NOTCH3: variants seen among roughly 807,000 people sequenced by gnomAD.
The protein encoded by NOTCH3 is notch receptor 3, also known as neurogenic locus notch homolog protein 3.
NOTCH3 carries 86 observed loss-of-function variants against 213.3 expected under a neutral mutation model. The ratio of observed to expected loss-of-function variants is 0.40; its 90% CI spans 0.34 to 0.48. The LOEUF is 0.48. NOTCH3 is among the 20% of genes least tolerant of loss of function. NOTCH3 has a pLI of 0.57. For synonymous variants in NOTCH3, 1,354 were observed against 1,355.9 expected (o/e 1.00, Z 0.03); for missense variants, 2,783 against 3,272.6 (o/e 0.85, Z 3.65).
chr19:15,170,148 G>T lies in NOTCH3; in HGVS notation c.5137C>A (p.Leu1713Met). The change falls in exon 28 of 33, where the codon CTG (leucine) becomes ATG (methionine). Residue 1713 changes from leucine (L) to methionine (M), a missense_variant. Leu to Met is a conservative substitution (Grantham distance 15). This residue lies in a region of NOTCH3 where 636 missense variants were observed against 801.8 expected (regional missense o/e 0.79). Coordinates refer to ENST00000263388, the MANE Select transcript of NOTCH3 (RefSeq NM_000435.3). ...GMKNMAKGES[L>M]MGEVATDWMD... ...CAGTCTGTGGCCACCTCCCCCATCA[G>T]GCTCTCACCCTTGGCCATGTTCCTG... 1 of 1,605,552 alleles carries T rather than the reference G, an allele frequency of 6.2e-7. No individual in the cohort carries two copies. Among genetic ancestry groups the T allele is most frequent in the Non-Finnish European group, 8.5e-7 (1 of 1,175,880 alleles).
chr19:15,170,190 G>A lies in NOTCH3; in HGVS notation c.5115-20C>T. Reference sequence around the variant, plus strand: ...ATGTTCCTGGCGGACAATGGGAAGAGGGGATGTGAGGGGGACACTAGAGGT... The same window carrying A: ...ATGTTCCTGGCGGACAATGGGAAGAAGGGATGTGAGGGGGACACTAGAGGT... On this transcript the variant is annotated intron_variant, in intron 27 of 32. Transcript: ENST00000263388. 1 of 1,564,074 alleles carries A rather than the reference G, an allele frequency of 6.4e-7. No individual in the cohort carries two copies. Among genetic ancestry groups the A allele is most frequent in the Non-Finnish European group, 8.8e-7 (1 of 1,141,416 alleles).
rs756841357 is a variant in NOTCH3, at chr19:15,174,289, C to G, written c.4515G>C (p.Pro1505=). Residue 1505 remains proline (P), a synonymous_variant, in exon 25 of 33, where the codon CCG becomes CCC. Transcript: ENST00000263388. ...WDGLDCASEV[P]ALLARGVLVL... is the part of the protein sequence containing the mutation. ...CCAGCACGCCGCGGGCCAGCAGGGC[C>G]GGCACCTCGCTGGCACAATCCAGCC... 1.3e-6 allele frequency: 2 copies of G among 1,559,078 alleles called. No individual in the cohort carries two copies. Among genetic ancestry groups the G allele is most frequent in the East Asian group, 4.8e-5 (2 of 41,508 alleles).
intron 28 of NOTCH3, among the ~76,000 whole-genome samples, chr19:15,169,186 GTC>G (rs56916343): frequency 0.016 from 2,311 of 146,608 alleles, 43 homozygotes; most frequent in African/African-American, 0.05. Context: ...TGTCAAATCT[GTC>G]TCTCTCTCTC....
In NOTCH3 at chr19:15,189,446, G is replaced by T. The variant is rs958398466; in HGVS notation, c.1037-18C>A. The T allele has an allele frequency of 1.2e-6, 2 of 1,613,256 alleles. No homozygotes were observed. Among genetic ancestry groups the T allele is most frequent in the African/African-American group, 1.3e-5 (1 of 74,952 alleles). The stretch of plus-strand genomic sequence containing the variant: ...CAGGAGGCCTGGGAAGTGGTAAGCA[G>T]AAGTCATAGGCAGATCTTCCTGCTC... On this transcript the variant is annotated intron_variant, in intron 6 of 32. Transcript: ENST00000263388.
Position 15,197,734 on chromosome 19 carries a change from GCCCC to G in NOTCH3, c.119-160_119-157del, listed in dbSNP as rs5827279. On this transcript the variant is annotated intron_variant, in intron 1 of 32. Coordinates refer to ENST00000263388, the MANE Select transcript of NOTCH3 (RefSeq NM_000435.3). Reference sequence around the variant, plus strand: ...GAGTCCCCCCATCCACAGTTCCCACGCCCCCCCCCCCCCCGCCCCAGCCCCAGCT... The same window carrying G: ...GAGTCCCCCCATCCACAGTTCCCACGCCCCCCCCCCGCCCCAGCCCCAGCT... Among the ~76,000 whole-genome samples the G allele has an allele frequency of 4.6e-4, 19 of 41,026 alleles. 2 individuals carry two copies. The highest frequency in any genetic ancestry group is 1.1e-3 in the African/African-American group (16 of 15,164). 26.9% of individuals were successfully genotyped at this position (41,026 alleles called of 152,430 possible).
intron 17 of NOTCH3, 94 bp downstream of exon 17, chr19:15,181,482 A>T: frequency 9.8e-7 from 1 of 1,019,492 alleles, no homozygotes; most frequent in Non-Finnish European, 1.5e-6. Flanking sequence ...CAAGCTGAGG[A>T]CTCCCCCAAG....
At position 15,177,707 on chromosome 19, in the gene NOTCH3, G is replaced by T. The variant is rs1429500450; in HGVS notation, c.4221C>A (p.Ser1407Arg). ...GDQRCDRECN[S>R]PGCGWDGGDC... ...CGCCGCCGTCCCAGCCGCAGCCTGG[G>T]CTGTTGCACTCGCGGTCGCAGCGCT... is the stretch of plus-strand genomic sequence containing the variant. Residue 1407 changes from serine to arginine, a missense_variant, in exon 24 of 33, where the codon AGC becomes AGA. Physicochemically the swap from Ser to Arg is moderately radical, Grantham distance 110 (BLOSUM62 -1). Coordinates refer to ENST00000263388, the MANE Select transcript of NOTCH3 (RefSeq NM_000435.3). 1.3e-6 allele frequency: 2 copies of T among 1,536,754 alleles called. No homozygotes were observed. The highest frequency in any genetic ancestry group is 1.7e-6 in the Non-Finnish European group (2 of 1,148,466).
Position 15,161,031 on chromosome 19 carries a change from C to A in NOTCH3, c.6597G>T (p.Gly2199=). 6.5e-7 allele frequency: 1 copy of A among 1,538,880 alleles called. No individual in the cohort carries two copies. The highest frequency in any genetic ancestry group is 2.4e-5 in the East Asian group (1 of 41,942). ...LAPGPQLLNP[G]TPVSPQERPP... ...GCCGCTCCTGCGGGGAGACGGGGGTCCCTGGGTTGAGCAGCTGGGGTCCCG... is the reference window on the plus strand; with the variant it reads ...GCCGCTCCTGCGGGGAGACGGGGGTACCTGGGTTGAGCAGCTGGGGTCCCG... The change falls in exon 33 of 33, where the codon GGG becomes GGT. Residue 2199 remains glycine (G), a synonymous_variant. Transcript: ENST00000263388.
chr19:15,185,592 C>T lies in NOTCH3; in HGVS notation c.2039G>A (p.Arg680His), dbSNP rs10406745. The change falls in exon 13 of 33, where the codon CGC (arginine) becomes CAC (histidine). Residue 680 changes from arginine (R) to histidine (H), a missense_variant. By Grantham distance (29) the Arg-to-His change is conservative (BLOSUM62 0). Coordinates refer to ENST00000263388, the MANE Select transcript of NOTCH3 (RefSeq NM_000435.3). The surrounding 1 kb of genome is among the most constrained non-coding windows in gnomAD (Gnocchi z 4.2). The stretch of plus-strand genomic sequence containing the variant: ...CAAGGAGCCAGGCGGGCAGAGGCAG[C>T]GGAAGCCATTTTCCCCATCCACACA... ...GSCVDGENGF[R>H]CLCPPGSLPP... is the part of the protein sequence containing the mutation. The T allele has an allele frequency of 2.6e-3, 4,232 of 1,613,488 alleles. 99 individuals carry two copies. In the African/African-American group the frequency reaches 0.05, roughly 19 times the overall value.
rs376187165 is a variant in NOTCH3, at chr19:15,181,017, C to T, written c.2938G>A (p.Ala980Thr). 1.9e-6 allele frequency: 3 copies of T among 1,598,016 alleles called. No homozygotes were observed. Among genetic ancestry groups the T allele is most frequent in the Non-Finnish European group, 2.6e-6 (3 of 1,173,364 alleles). ...PCLHGGVCSA[A>T]HPGFRCTCLE... ...CAGGTGCAGCGGAAGCCAGGGTGGG[C>T]GGCGCTGCAGACGCCCCCGTGTAGG... Residue 980 changes from alanine to threonine, a missense_variant, in exon 18 of 33, where the codon GCC (alanine) becomes ACC (threonine). Around this residue, in one of 6 missense-constraint regions of NOTCH3, gnomAD observed 861 missense variants for 909.1 expected, o/e 0.95. Coordinates refer to ENST00000263388, the MANE Select transcript of NOTCH3 (RefSeq NM_000435.3).
At chr19:15,187,521 C>T (rs2046893462) in intron 10 of NOTCH3, among the ~76,000 whole-genome samples, 183 bp from the exon 11 acceptor site, 1 of 141,022 alleles carries the variant, frequency 7.1e-6, no homozygotes, top group African/African-American at 2.6e-5. Context: ...CTACAAGCTC[C>T]AGAATTTGTC....
rs967649457 is a variant in NOTCH3, at chr19:15,161,373, C to T, written c.6255G>A (p.Thr2085=). The T allele has an allele frequency of 1.4e-5, 21 of 1,525,268 alleles. No homozygotes were observed. The highest frequency in any genetic ancestry group is 2.8e-5 in the African/African-American group (2 of 72,418). 94.5% of individuals were successfully genotyped at this position (1,525,268 alleles called of 1,614,324 possible). A position where few individuals can be genotyped will look rare whatever the true frequency, so the allele number is the denominator to read the frequency against. ...QGPRGRGKKL[T]LACPGPLADS... is the part of the protein sequence containing the mutation. ...CAGCCAGGGGGCCCGGGCAGGCCAG[C>T]GTCAGCTTCTTGCCCCGCCCCCGGG... Residue 2085 remains threonine, a synonymous_variant, in exon 33 of 33, where the codon ACG becomes ACA. Coordinates refer to ENST00000263388, the MANE Select transcript of NOTCH3 (RefSeq NM_000435.3).
In NOTCH3 at chr19:15,159,191, A is replaced by C. The variant is rs2145376999; in HGVS notation, c.*1471T>G. On this transcript the variant is annotated 3_prime_UTR_variant, in exon 33 of 33. Transcript: ENST00000263388. ...GTTGATCTCAATGGAATGAACACTC[A>C]ATTAACTGGAATTGATAACTGCACT... The C allele has an allele frequency of 6.6e-6, 1 of 152,326 alleles. No homozygotes were observed. Among genetic ancestry groups the C allele is most frequent in the East Asian group, 1.9e-4 (1 of 5,192 alleles). The allele number at this position is 152,326 out of a possible 1,614,324, so 9.4% of individuals were successfully genotyped here. A position where few individuals can be genotyped will look rare whatever the true frequency, so the allele number is the denominator to read the frequency against.
Position 15,170,561 on chromosome 19 carries a change from C to A in NOTCH3, c.4892-8G>T, listed in dbSNP as rs770564832. The A allele has an allele frequency of 1.9e-6, 3 of 1,607,648 alleles. No homozygotes were observed. The highest frequency in any genetic ancestry group is 1.7e-5 in the Admixed American group (1 of 59,816). ...GAGGCTCCAGCGGCTCCCCTAAGAG[C>A]AGGAAGCAGAGGGCGGGGCTTCAGC... is the stretch of plus-strand genomic sequence containing the variant. On this transcript the variant is annotated splice_polypyrimidine_tract_variant and splice_region_variant and intron_variant, in intron 26 of 32. Transcript: ENST00000263388.
chr19:15,199,354 C>T (rs1310406475), intron 1 of NOTCH3, among the ~76,000 whole-genome samples: 1 of 152,152 alleles, frequency 6.6e-6, no homozygotes, highest in East Asian at 1.9e-4. Flanking sequence ...TGTATGTGAA[C>T]CGTGTAAATG....
Position 15,165,710 on chromosome 19 carries a change from G to A in NOTCH3, c.5667+77C>T. The A allele has an allele frequency of 1.3e-6, 2 of 1,534,896 alleles. No homozygotes were observed. Among genetic ancestry groups the A allele is most frequent in the Non-Finnish European group, 1.8e-6 (2 of 1,125,542 alleles). On this transcript the variant is annotated intron_variant, in intron 30 of 32. Coordinates refer to ENST00000263388, the MANE Select transcript of NOTCH3 (RefSeq NM_000435.3). This position sits in a 1 kb window ranked among gnomAD's most constrained non-coding sequence, Gnocchi z 4.7. ...CAAATGAGAAAAAATGAGTCTGAAA[G>A]GCAGAACTGGGGCTCAAACCCAGGT...
chr19:15,188,264 A>C lies in NOTCH3; in HGVS notation c.1463T>G (p.Val488Gly), dbSNP rs760245739. The C allele has an allele frequency of 1.8e-5, 29 of 1,601,598 alleles. No individual in the cohort carries two copies. The highest frequency in any genetic ancestry group is 2.3e-5 in the Non-Finnish European group (27 of 1,173,910). ...CVNGGVCKDR[V>G]NGFSCTCPSG... The stretch of plus-strand genomic sequence containing the variant: ...GGGGCAGGTGCAGCTGAAGCCATTG[A>C]CTCGGTCCTTGCAGACCCCACCGTT... The change falls in exon 9 of 33, where the codon GTC becomes GGC. Residue 488 changes from valine to glycine, a missense_variant. Coordinates refer to ENST00000263388, the MANE Select transcript of NOTCH3 (RefSeq NM_000435.3).
rs147937138 is a variant in NOTCH3, at chr19:15,165,098, T to C, written c.5815+270A>G. 0.02 allele frequency among the ~76,000 whole-genome samples: 3,023 copies of C among 152,240 alleles called. 48 individuals are homozygous for C. Among genetic ancestry groups the C allele is most frequent in the Non-Finnish European group, 0.028 (1,938 of 68,010 alleles). On this transcript the variant is annotated intron_variant, in intron 31 of 32. Coordinates refer to ENST00000263388, the MANE Select transcript of NOTCH3 (RefSeq NM_000435.3). The surrounding 1 kb of genome is among the most constrained non-coding windows in gnomAD (Gnocchi z 4.7). The stretch of plus-strand genomic sequence containing the variant: ...GGCCTGATGTGTACGTTTATTATAA[T>C]AACTTCCAGCAGGTGGAAGTACAGT...
Position 15,160,980 on chromosome 19 carries a change from T to C in NOTCH3, c.6648A>G (p.Gly2216=), listed in dbSNP as rs928217840. Residue 2216 remains glycine (G), a synonymous_variant, in exon 33 of 33, where the codon GGA becomes GGG. Coordinates refer to ENST00000263388, the MANE Select transcript of NOTCH3 (RefSeq NM_000435.3). ...CAGCCGCCGGGTACTCCTCGCCATGTCCTGGGACTGCCAGGTAAGGCGGGG... is the reference window on the plus strand; with the variant it reads ...CAGCCGCCGGGTACTCCTCGCCATGCCCTGGGACTGCCAGGTAAGGCGGGG... ...ERPPPYLAVP[G]HGEEYPAAGA... 1.9e-6 allele frequency: 3 copies of C among 1,566,812 alleles called. No homozygotes were observed. The highest frequency in any genetic ancestry group is 2.6e-6 in the Non-Finnish European group (3 of 1,156,732).
Sources: allele counts gnomAD v4.1 joint callset (sites outside exome capture counted in the v4.1 genomes callset), GRCh38; gene constraint gnomAD v4.1.1; regional missense constraint gnomAD v4.1.1; non-coding constraint Gnocchi (gnomAD v3.1); transcripts MANE v1.5; gene names NCBI Gene and HGNC (gene_info 2026-07-23, HGNC 2026-07-21).